The following CDK13 variants were observed in gnomAD, a reference collection of about 807,000 sequenced individuals.
CDK13 encodes the protein cyclin dependent kinase 13, also known as cyclin-dependent kinase 13.
A neutral mutation model predicts 137.6 loss-of-function variants in CDK13; 40 were observed. The ratio of observed to expected loss-of-function variants is 0.29; its 90% CI spans 0.23 to 0.38. CDK13 has a LOEUF of 0.38. CDK13 is among the 10% of genes least tolerant of loss of function. The probability of loss-of-function intolerance (pLI) is 1.00; values close to 1 mark genes in which losing one functional copy is unlikely to be tolerated. For missense variants in CDK13, 1,704 were observed against 1,951.8 expected, an observed-to-expected ratio of 0.87 and a Z score of 2.39; for synonymous variants, 869 against 760.1, an observed-to-expected ratio of 1.14 and a Z score of -2.36.
chr7:39,958,371 C>CT (rs1787490533), intron 1 of CDK13, among the ~76,000 whole-genome samples: 1 of 151,946 alleles, frequency 6.6e-6, no homozygotes, highest in South Asian at 2.1e-4. Context: ...TATTTTTCAC[C>CT]TGTTTGCAAG....
chr7:40,053,464 C>T (rs535851992), intron 7 of CDK13, among the ~76,000 whole-genome samples: 2 of 152,252 alleles, frequency 1.3e-5, no homozygotes, highest in Non-Finnish European at 2.9e-5. Context: ...CCATTCCAGC[C>T]CCCCTGATAA....
intron 9 of CDK13, among the ~76,000 whole-genome samples, chr7:40,077,032 T>C (rs1254375636): frequency 6.7e-6 from 1 of 149,158 alleles, no homozygotes; most frequent in African/African-American, 2.5e-5. Flanking sequence ...CTATTTGTTA[T>C]AGCATTTCTT....
intron 5 of CDK13, among the ~76,000 whole-genome samples, chr7:40,021,122 T>TACACAC (rs1304409836): frequency 5.5e-5 from 6 of 108,632 alleles, no homozygotes; most frequent in African/African-American, 1.4e-4. Context: ...TATATATATA[T>TACACAC]ACACACACAC....
At chr7:40,035,515 C>A (rs935897699) in intron 5 of CDK13, among the ~76,000 whole-genome samples, 1 of 152,022 alleles carries the variant, frequency 6.6e-6, no homozygotes, top group Non-Finnish European at 1.5e-5. Context: ...GGAGCACAAA[C>A]CCTATTGTGA....
intron 5 of CDK13, among the ~76,000 whole-genome samples, chr7:40,036,728 G>T (rs1307505099): frequency 6.6e-6 from 1 of 151,310 alleles, no homozygotes; most frequent in Non-Finnish European, 1.5e-5. Flanking sequence ...AAAACTCCTG[G>T]ATTATTTTTA....
At chr7:40,079,571 G>T (rs1026791697) in intron 11 of CDK13, among the ~76,000 whole-genome samples, 2 of 152,108 alleles carry the variant, frequency 1.3e-5, no homozygotes, top group Non-Finnish European at 2.9e-5. Flanking sequence ...TATAAGGTAG[G>T]TATTAGTATT....
chr7:39,999,294 T>G, intron 3 of CDK13, 67 bp from the exon 4 acceptor site: 1 of 1,321,706 alleles, frequency 7.6e-7, no homozygotes. Context: ...GAGTAGATAT[T>G]GAGTTATTAG....
chr7:40,046,084 A>T, intron 6 of CDK13, 59 bp downstream of exon 6: 22 of 1,057,650 alleles, frequency 2.1e-5, no homozygotes, highest in South Asian at 3.0e-5. Context: ...ATGTACATGG[A>T]GAGAATAGAC....
intron 5 of CDK13, among the ~76,000 whole-genome samples, chr7:40,009,515 C>G (rs368575584): frequency 1.5e-3 from 236 of 152,328 alleles, no homozygotes; most frequent in African/African-American, 5.6e-3. Context: ...GCAGCTGTTG[C>G]ATCAATCCTA....
At chr7:40,091,417 G>A (rs1413499916) in intron 12 of CDK13, among the ~76,000 whole-genome samples, 2 of 152,246 alleles carry the variant, frequency 1.3e-5, no homozygotes, top group Admixed American at 6.5e-5. Flanking sequence ...GCTCCTAGTG[G>A]GGGCTGGGGC....
chr7:40,027,819 A>G (rs1785278466), intron 5 of CDK13, among the ~76,000 whole-genome samples: 1 of 152,058 alleles, frequency 6.6e-6, no homozygotes, highest in Non-Finnish European at 1.5e-5. Flanking sequence ...TTTCCTATAC[A>G]GAGTGAGGTC....
chr7:39,976,323 T>TCTCTCTCTCTCTCTCCCACA, intron 1 of CDK13, among the ~76,000 whole-genome samples: 2 of 39,548 alleles, frequency 5.1e-5, no homozygotes, highest in Non-Finnish European at 1.2e-4. Context: ...TCTCTCTCTC[T>TCTCTCTCTCTCTCTCCCACA]CACACACACA....
chr7:39,985,228 C>T (rs941963793), intron 1 of CDK13: 1 of 151,862 alleles, frequency 6.6e-6, no homozygotes, highest in African/African-American at 2.4e-5. Flanking sequence ...CAAAGTTTGC[C>T]TTTCTGTGCC....
At chr7:39,993,259 GT>G (rs1784501253) in intron 2 of CDK13, among the ~76,000 whole-genome samples, 2 of 152,000 alleles carry the variant, frequency 1.3e-5, no homozygotes. Context: ...GTAAATACGT[GT>G]TTCCCCATAT....
intron 1 of CDK13, among the ~76,000 whole-genome samples, chr7:39,982,333 A>G (rs1784246995): frequency 6.6e-6 from 1 of 152,052 alleles, no homozygotes; most frequent in African/African-American, 2.4e-5. Context: ...TGTCCCTACA[A>G]AGGACATGAA....
At chr7:40,010,282 T>A (rs1291132663) in intron 5 of CDK13, among the ~76,000 whole-genome samples, 1 of 152,102 alleles carries the variant, frequency 6.6e-6, no homozygotes. Context: ...ATCCCTCACA[T>A]GCACAGTTCA....
At chr7:40,009,331 A>G (rs921732499) in intron 5 of CDK13, among the ~76,000 whole-genome samples, 7 of 152,208 alleles carry the variant, frequency 4.6e-5, no homozygotes, top group African/African-American at 1.7e-4. Context: ...TAGGCATTTC[A>G]TTATAGTTCC....
chr7:40,060,081 AG>A (rs1562754476), intron 7 of CDK13, among the ~76,000 whole-genome samples: 1 of 152,218 alleles, frequency 6.6e-6, no homozygotes, highest in African/African-American at 2.4e-5. Context: ...AAAACATTAT[AG>A]CAATTAATAA....
chr7:40,080,776 T>C (rs1366361311), intron 11 of CDK13, among the ~76,000 whole-genome samples: 2 of 152,226 alleles, frequency 1.3e-5, no homozygotes, highest in Admixed American at 1.3e-4. Flanking sequence ...CAACAGTTAA[T>C]AATAGTTGGA....
Sources: gnomAD v4.1 joint callset for allele counts (sites outside exome capture counted in the v4.1 genomes callset) on GRCh38, gnomAD v4.1.1 for gene constraint, MANE v1.5 for transcripts, NCBI Gene and HGNC (gene_info 2026-07-23, HGNC 2026-07-21) for gene names.